The following SLC16A7 variants were observed in gnomAD, a reference collection of about 807,000 sequenced individuals.
The protein encoded by SLC16A7 is monocarboxylate transporter 2.
Under a neutral mutation model 34.9 loss-of-function variants are expected in SLC16A7, and 33 were observed. The observed-to-expected ratio is 0.94, with a 90% CI of 0.72 to 1.26. SLC16A7 has a LOEUF of 1.26. Among genes scored for constraint, SLC16A7 ranks in the 50% most tolerant of loss-of-function variants. SLC16A7 has a pLI of 0.00. For synonymous variants in SLC16A7, 201 were observed against 206.6 expected (o/e 0.97, Z 0.23); for missense variants, 573 against 578.1 (o/e 0.99, Z 0.09).
intron 1 of SLC16A7, among the ~76,000 whole-genome samples, chr12:59,624,997 A>G (rs1238339433): frequency 6.6e-6 from 1 of 151,766 alleles, no homozygotes; most frequent in Non-Finnish European, 1.5e-5. Flanking sequence ...TACTAGTCTT[A>G]GCCATCTGGT....
intron 1 of SLC16A7, among the ~76,000 whole-genome samples, chr12:59,633,948 A>C (rs1880304331): frequency 6.6e-6 from 1 of 152,092 alleles, no homozygotes; most frequent in African/African-American, 2.4e-5. Flanking sequence ...GAGCCAAACC[A>C]TATCACTCAC....
At chr12:59,754,903 T>C (rs985132025) in intron 3 of SLC16A7, among the ~76,000 whole-genome samples, 4 of 152,140 alleles carry the variant, frequency 2.6e-5, no homozygotes, top group African/African-American at 9.7e-5. Context: ...AAAAAGTTTA[T>C]CCACCATGAT....
Position 59,671,945 on chromosome 12 carries a change from G to GTATATATACATATA in SLC16A7, c.-31+16696_-31+16697insATATATACATATAT, listed in dbSNP as rs1565640948. On this transcript the variant is annotated intron_variant, in intron 2 of 5. Transcript: ENST00000547379. ...TGTATATATCCATATATGTATATAT[G>GTATATATACATATA]TGTATATATGTATATATGTGTATAT... 6.1e-4 allele frequency among the ~76,000 whole-genome samples: 6 copies of GTATATATACATATA among 9,776 alleles called. 2 individuals carry two copies. Among genetic ancestry groups the GTATATATACATATA allele is most frequent in the Non-Finnish European group, 1.2e-3 (6 of 5,054 alleles). 6.4% of individuals were successfully genotyped at this position (9,776 alleles called of 152,430 possible). A position where few individuals can be genotyped will look rare whatever the true frequency, so the allele number is the denominator to read the frequency against.
At chr12:59,760,729 T>C (rs1880924784) in intron 3 of SLC16A7, among the ~76,000 whole-genome samples, 1 of 152,010 alleles carries the variant, frequency 6.6e-6, no homozygotes, top group African/African-American at 2.4e-5. Flanking sequence ...AGGATTCACA[T>C]CCCAAGCAGG....
intron 1 of SLC16A7, among the ~76,000 whole-genome samples, chr12:59,605,784 TTC>T (rs1455836650): frequency 5.3e-5 from 8 of 152,334 alleles, no homozygotes; most frequent in Admixed American, 1.3e-4. Context: ...TATCTCTTTA[TTC>T]TCTTTTCCTT....
chr12:59,723,984 T>A (rs544949157), intron 3 of SLC16A7, among the ~76,000 whole-genome samples: 2 of 152,120 alleles, frequency 1.3e-5, no homozygotes, highest in East Asian at 3.9e-4. Context: ...AAACTCAAAA[T>A]GAAAAATGTA....
At chr12:59,735,027 T>C (rs1352871775) in intron 3 of SLC16A7, among the ~76,000 whole-genome samples, 1 of 152,194 alleles carries the variant, frequency 6.6e-6, no homozygotes, top group Non-Finnish European at 1.5e-5. Context: ...TAAAACATGA[T>C]ACAAAAATGA....
chr12:59,596,429 G>T lies in SLC16A7; in HGVS notation c.-130+193G>T, dbSNP rs894012143. Among the ~76,000 whole-genome samples the T allele has an allele frequency of 6.6e-6, 1 of 152,124 alleles. No homozygotes were observed. The highest frequency in any genetic ancestry group is 2.4e-5 in the African/African-American group (1 of 41,420). On this transcript the variant is annotated intron_variant, in intron 1 of 5. Transcript: ENST00000547379. This position sits in a 1 kb window ranked among gnomAD's most constrained non-coding sequence, Gnocchi z 5.0. ...GCCCTTATATAGACAAAAAAATCCC[G>T]AAGCGGCCGCGGGAGCAGAGCTCGC...
chr12:59,668,957 T>G (rs1869441288), intron 2 of SLC16A7, among the ~76,000 whole-genome samples: 1 of 152,208 alleles, frequency 6.6e-6, no homozygotes, highest in Non-Finnish European at 1.5e-5. Context: ...TAGACATGGC[T>G]TTGGTCCTCC....
chr12:59,714,538 C>T (rs577858652), intron 3 of SLC16A7, among the ~76,000 whole-genome samples: 4 of 151,400 alleles, frequency 2.6e-5, no homozygotes, highest in South Asian at 4.2e-4. Flanking sequence ...GTGCACCCAC[C>T]CCTGGTGTCT....
chr12:59,706,616 A>G (rs187707776), intron 3 of SLC16A7, among the ~76,000 whole-genome samples: 527 of 152,210 alleles, frequency 3.5e-3, no homozygotes, highest in Non-Finnish European at 6.1e-3. Context: ...TAAGAATGTT[A>G]TTTCTTGTGA....
chr12:59,627,477 G>T (rs920143564), intron 1 of SLC16A7, among the ~76,000 whole-genome samples: 1 of 150,948 alleles, frequency 6.6e-6, no homozygotes, highest in African/African-American at 2.4e-5. Context: ...TCTGCTATTT[G>T]TTATTAATTT....
chr12:59,624,696 A>G (rs1879844715), intron 1 of SLC16A7, among the ~76,000 whole-genome samples: 1 of 151,370 alleles, frequency 6.6e-6, no homozygotes, highest in African/African-American at 2.4e-5. Context: ...CCCCACTATT[A>G]GCACCAAATT....
chr12:59,684,567 A>C (rs1871003653), intron 2 of SLC16A7, among the ~76,000 whole-genome samples: 1 of 152,098 alleles, frequency 6.6e-6, no homozygotes, highest in African/African-American at 2.4e-5. Context: ...GTGGAGAGTG[A>C]AGATGTATCG....
chr12:59,740,128 G>A (rs1878128394), intron 3 of SLC16A7, among the ~76,000 whole-genome samples: 1 of 151,476 alleles, frequency 6.6e-6, no homozygotes, highest in South Asian at 2.1e-4. Context: ...CCATGCCTAT[G>A]TCCTGAATGG....
chr12:59,754,827 T>C (rs2137353016), intron 3 of SLC16A7, among the ~76,000 whole-genome samples: 1 of 152,248 alleles, frequency 6.6e-6, no homozygotes, highest in South Asian at 2.1e-4. Context: ...TAGACCAATA[T>C]CCTTGATGAA....
intron 2 of SLC16A7, among the ~76,000 whole-genome samples, chr12:59,669,971 G>T (rs1027896274): frequency 6.6e-6 from 1 of 152,148 alleles, no homozygotes; most frequent in Non-Finnish European, 1.5e-5. Context: ...TTCTAGGGCT[G>T]CCATAACAAA....
At chr12:59,707,591 T>C (rs1271540607) in intron 3 of SLC16A7, among the ~76,000 whole-genome samples, 1 of 152,116 alleles carries the variant, frequency 6.6e-6, no homozygotes, top group African/African-American at 2.4e-5. Context: ...AATGGTAGTT[T>C]GTTAAAATAG....
In SLC16A7 at chr12:59,781,658, C is replaced by G. The variant is rs1055301553; in HGVS notation, c.*1979C>G. On this transcript the variant is annotated 3_prime_UTR_variant, in exon 6 of 6. Transcript: ENST00000547379. Reference sequence around the variant, plus strand: ...TGGCTGTTTTTAATTTAGTTTCACCCGATCTTGATTCTTGAATTAGCTATG... The same window carrying G: ...TGGCTGTTTTTAATTTAGTTTCACCGGATCTTGATTCTTGAATTAGCTATG... The G allele has an allele frequency of 6.6e-6, 1 of 152,438 alleles. No homozygotes were observed. The highest frequency in any genetic ancestry group is 1.5e-5 in the Non-Finnish European group (1 of 68,004). The allele number at this position is 152,438 out of a possible 1,614,324, so 9.4% of individuals were successfully genotyped here.
Sources: gnomAD v4.1 joint callset for allele counts (sites outside exome capture counted in the v4.1 genomes callset) on GRCh38, gnomAD v4.1.1 for gene constraint, Gnocchi (gnomAD v3.1) non-coding constraint, MANE v1.5 for transcripts, NCBI Gene and HGNC (gene_info 2026-07-23, HGNC 2026-07-21) for gene names.